TFEC: variants seen among roughly 807,000 people sequenced by gnomAD.
TFEC encodes the protein transcription factor EC, also known as class E basic helix-loop-helix protein 34.
Under a neutral mutation model 41.6 loss-of-function variants are expected in TFEC, and 31 were observed. The observed-to-expected ratio is 0.74, with a 90% CI of 0.56 to 1.01. The LOEUF is 1.01. Ranked by LOEUF, TFEC falls within the 50% of genes least tolerant of loss-of-function variation. The probability of loss-of-function intolerance (pLI) is 0.00; values close to 1 mark genes in which losing one functional copy is unlikely to be tolerated. For missense variants in TFEC, 402 were observed against 404.1 expected, an observed-to-expected ratio of 0.99 and a Z score of 0.04; for synonymous variants, 143 against 140.6, an observed-to-expected ratio of 1.02 and a Z score of -0.12.
intron 3 of TFEC, among the ~76,000 whole-genome samples, chr7:116,097,048 C>A (rs1462447298): frequency 6.6e-6 from 1 of 151,026 alleles, no homozygotes; most frequent in Admixed American, 6.6e-5. Context: ...TGAGATTGCA[C>A]CACTACACTC....
chr7:116,093,534 G>A (rs1303310453), intron 3 of TFEC, among the ~76,000 whole-genome samples: 4 of 152,082 alleles, frequency 2.6e-5, no homozygotes, highest in East Asian at 1.9e-4. Flanking sequence ...TGGCTTTAGC[G>A]TGGGTCTGAT....
chr7:116,156,887 T>C (rs142525385), intron 1 of TFEC, among the ~76,000 whole-genome samples: 1 of 152,322 alleles, frequency 6.6e-6, no homozygotes, highest in African/African-American at 2.4e-5. Flanking sequence ...AATAATTCTG[T>C]TCCACATATA....
At chr7:116,136,898 C>T (rs923765295) in intron 1 of TFEC, among the ~76,000 whole-genome samples, 7 of 151,726 alleles carry the variant, frequency 4.6e-5, no homozygotes, top group African/African-American at 1.7e-4. Context: ...TTTAAAGCAC[C>T]ATATCTAATT....
chr7:116,070,453 C>T (rs771082528), intron 3 of TFEC, among the ~76,000 whole-genome samples: 2 of 151,342 alleles, frequency 1.3e-5, no homozygotes, highest in African/African-American at 2.4e-5. Context: ...TTACCTCAAA[C>T]GACCTAATAC....
chr7:116,036,713 C>T (rs1289017929), intron 3 of TFEC, among the ~76,000 whole-genome samples: 3 of 151,848 alleles, frequency 2.0e-5, no homozygotes, highest in Admixed American at 6.6e-5. Flanking sequence ...AAAATCTAAT[C>T]AATTTTTAAA....
chr7:116,136,172 C>A (rs1417818646), intron 1 of TFEC, among the ~76,000 whole-genome samples: 1 of 151,846 alleles, frequency 6.6e-6, no homozygotes, highest in Non-Finnish European at 1.5e-5. Context: ...TTAATTTACT[C>A]AGAAAAAACA....
intron 3 of TFEC, among the ~76,000 whole-genome samples, chr7:116,046,909 A>G (rs543561400): frequency 1.3e-5 from 2 of 152,352 alleles, no homozygotes; most frequent in South Asian, 4.1e-4. Context: ...CAATCCCTTG[A>G]ATTTATTATT....
At chr7:116,063,152 C>A (rs1322438825) in intron 3 of TFEC, among the ~76,000 whole-genome samples, 1 of 152,072 alleles carries the variant, frequency 6.6e-6, no homozygotes, top group Non-Finnish European at 1.5e-5. Context: ...AATAATTACA[C>A]TGAGTGAGAA....
At chr7:115,971,836 G>A (rs2130583432) in intron 3 of TFEC, among the ~76,000 whole-genome samples, 1 of 152,096 alleles carries the variant, frequency 6.6e-6, no homozygotes, top group Admixed American at 6.6e-5. Context: ...CAGCACAGAA[G>A]AAAACAGAGA....
intron 1 of TFEC, among the ~76,000 whole-genome samples, chr7:116,025,475 G>A (rs936376963): frequency 1.3e-5 from 2 of 151,906 alleles, no homozygotes; most frequent in Non-Finnish European, 2.9e-5. Context: ...TGCTCTTCAG[G>A]TACAAGAGAC....
chr7:116,007,927 T>C (rs995657765), intron 1 of TFEC, among the ~76,000 whole-genome samples: 1 of 152,238 alleles, frequency 6.6e-6, no homozygotes, highest in African/African-American at 2.4e-5. Flanking sequence ...CTCAGCTAAT[T>C]CTTTCAACAT....
intron 1 of TFEC, among the ~76,000 whole-genome samples, chr7:116,148,586 G>A (rs73448527): frequency 1.5e-3 from 227 of 152,152 alleles, no homozygotes; most frequent in African/African-American, 5.2e-3. Context: ...TTGGGCAAGA[G>A]GAGACTCTAG....
chr7:116,138,345 T>G (rs1324974690), intron 1 of TFEC, among the ~76,000 whole-genome samples: 1 of 152,224 alleles, frequency 6.6e-6, no homozygotes, highest in Non-Finnish European at 1.5e-5. Context: ...GGATCCTGTT[T>G]GGGTATACAG....
chr7:116,132,875 G>T (rs934798164), intron 1 of TFEC, among the ~76,000 whole-genome samples: 16 of 152,106 alleles, frequency 1.1e-4, no homozygotes, highest in African/African-American at 3.6e-4. Flanking sequence ...TGTTTACAGT[G>T]AATATTTTAA....
intron 3 of TFEC, among the ~76,000 whole-genome samples, chr7:116,051,406 G>A (rs1796309132): frequency 1.3e-5 from 2 of 152,124 alleles, no homozygotes; most frequent in Non-Finnish European, 2.9e-5. Flanking sequence ...TATCATACTA[G>A]AGGCAAAATT....
At chr7:116,002,098 A>C (rs571581937) in intron 1 of TFEC, among the ~76,000 whole-genome samples, 4 of 152,342 alleles carry the variant, frequency 2.6e-5, no homozygotes, top group African/African-American at 9.6e-5. Flanking sequence ...TAGTACAACC[A>C]CTATGGAGAA....
chr7:116,127,509 C>A (rs1276264355), intron 1 of TFEC, among the ~76,000 whole-genome samples: 1 of 151,954 alleles, frequency 6.6e-6, no homozygotes, highest in East Asian at 1.9e-4. Flanking sequence ...TGTTTCTATT[C>A]TTTTAGTGTT....
upstream of TFEC, among the ~76,000 whole-genome samples, chr7:116,032,058 A>G (rs1456207092): frequency 6.6e-6 from 1 of 152,180 alleles, no homozygotes; most frequent in Non-Finnish European, 1.5e-5. Context: ...TATTTAATGT[A>G]TTTGTATGAA....
chr7:115,973,846 GTGTT>G (rs1206217100), intron 3 of TFEC, among the ~76,000 whole-genome samples: 3 of 151,984 alleles, frequency 2.0e-5, no homozygotes, highest in Non-Finnish European at 4.4e-5. Context: ...CCTTTTAAGA[GTGTT>G]TGATTACTTG....
Sources: gnomAD v4.1 joint callset for allele counts (sites outside exome capture counted in the v4.1 genomes callset) on GRCh38, gnomAD v4.1.1 for gene constraint, MANE v1.5 for transcripts, NCBI Gene and HGNC (gene_info 2026-07-23, HGNC 2026-07-21) for gene names.